KIF14: variants seen among roughly 807,000 people sequenced by gnomAD.
KIF14 encodes the protein kinesin family member 14.
KIF14 carries 98 observed loss-of-function variants against 176.2 expected under a neutral mutation model. The ratio of observed to expected loss-of-function variants is 0.56; its 90% CI spans 0.47 to 0.66. KIF14 has a LOEUF of 0.66. KIF14 is among the 30% of genes least tolerant of loss of function. KIF14 has a pLI of 0.00. For synonymous variants in KIF14, 566 were observed against 632.2 expected (o/e 0.90, Z 1.57); for missense variants, 1,751 against 1,920.4 (o/e 0.91, Z 1.65).
intron 2 of KIF14, among the ~76,000 whole-genome samples, chr1:200,616,678 G>GA (rs1660420302): frequency 6.6e-6 from 1 of 152,152 alleles, no homozygotes; most frequent in Admixed American, 6.5e-5. Flanking sequence ...CTAACTCTGT[G>GA]AAGTTTTTCA....
At chr1:200,611,922 A>G (rs1660174551) in intron 4 of KIF14, among the ~76,000 whole-genome samples, 1 of 152,162 alleles carries the variant, frequency 6.6e-6, no homozygotes, top group African/African-American at 2.4e-5. Flanking sequence ...CATTAAGTAA[A>G]TTGTTCAAGA....
chr1:200,557,463 G>A (rs1169870913), intron 27 of KIF14, among the ~76,000 whole-genome samples: 2 of 152,154 alleles, frequency 1.3e-5, no homozygotes, highest in Admixed American at 1.3e-4. Context: ...ATGATCCTCA[G>A]AACAATTTTA....
At chr1:200,604,189 C>T (rs772180203) in intron 8 of KIF14, among the ~76,000 whole-genome samples, 1 of 152,018 alleles carries the variant, frequency 6.6e-6, no homozygotes, top group African/African-American at 2.4e-5. Context: ...ACCTCAGGCT[C>T]CCAAGTAGCT....
chr1:200,615,908 A>G (rs1660385096), intron 2 of KIF14, among the ~76,000 whole-genome samples: 2 of 151,272 alleles, frequency 1.3e-5, no homozygotes, highest in Admixed American at 6.6e-5. Context: ...TTCCCATCCC[A>G]CCTACTATAA....
intron 8 of KIF14, among the ~76,000 whole-genome samples, chr1:200,604,532 A>T (rs763326556): frequency 6.6e-6 from 1 of 152,200 alleles, no homozygotes; most frequent in African/African-American, 2.4e-5. Flanking sequence ...GGAAATAACA[A>T]TAAATAAAGA....
At chr1:200,592,324 AAT>A in intron 15 of KIF14, 84 bp from the exon 16 acceptor site, 1 of 1,058,056 alleles carries the variant, frequency 9.5e-7, no homozygotes, top group African/African-American at 1.6e-5. Context: ...CCAACAATTC[AAT>A]ATAGTCTAGT....
chr1:200,594,368 C>CAAAAAAAAAAAAAAAAA (rs371729211), intron 14 of KIF14, among the ~76,000 whole-genome samples: 1 of 92,516 alleles, frequency 1.1e-5, no homozygotes, highest in Non-Finnish European at 2.0e-5. Context: ...CCCAAAAATT[C>CAAAAAAAAAAAAAAAAA]AAAAAAAAAA....
Position 200,593,728 on chromosome 1 carries a change from A to G in KIF14, c.2591T>C (p.Val864Ala), listed in dbSNP as rs1362136218. The change falls in exon 15 of 30, where the codon GTT becomes GCT. Residue 864 changes from valine to alanine, a missense_variant. Physicochemically the swap from Val to Ala is moderately conservative, Grantham distance 64 (BLOSUM62 0). Coordinates refer to ENST00000367350, the MANE Select transcript of KIF14 (RefSeq NM_014875.3). The stretch of plus-strand genomic sequence containing the variant: ...ATTTACATATGTCTTTGCTTCCCCA[A>G]CTGGGATAATACTCACTGTCCCACC... Reference protein sequence around the residue: ...NFGGTVSIIPVGEAKTYVNGK... With the variant: ...NFGGTVSIIPAGEAKTYVNGK... The G allele has an allele frequency of 6.2e-7, 1 of 1,612,756 alleles. No homozygotes were observed. The highest frequency in any genetic ancestry group is 1.3e-5 in the African/African-American group (1 of 74,960).
chr1:200,581,706 A>G lies in KIF14; in HGVS notation c.3242-412T>C, dbSNP rs575088071. On this transcript the variant is annotated intron_variant, in intron 19 of 29. Transcript: ENST00000367350. Reference sequence around the variant, plus strand: ...AAAATTTTAAAAAATGTATATATATATGTCAGGACATTAAAATAAAAAAGG... The same window carrying G: ...AAAATTTTAAAAAATGTATATATATGTGTCAGGACATTAAAATAAAAAAGG... Among the ~76,000 whole-genome samples, 49 of 150,406 alleles carry G rather than the reference A, an allele frequency of 3.3e-4. No homozygotes were observed. In the South Asian group the frequency reaches 4.0e-3, roughly 12 times the overall value.
chr1:200,611,805 C>T (rs1039611085), intron 4 of KIF14, among the ~76,000 whole-genome samples: 23 of 152,204 alleles, frequency 1.5e-4, no homozygotes, highest in Non-Finnish European at 8.8e-5. Context: ...GTGCCAGGCA[C>T]TCTTCAAAAC....
At chr1:200,561,846 G>C (rs537633277) in intron 25 of KIF14, among the ~76,000 whole-genome samples, 80 of 152,240 alleles carry the variant, frequency 5.3e-4, no homozygotes, top group African/African-American at 1.7e-3. Context: ...AACTTTTCCT[G>C]TTCTGATAAC....
chr1:200,570,008 GA>G lies in KIF14; in HGVS notation c.3567-4del. On this transcript the variant is annotated splice_polypyrimidine_tract_variant and splice_region_variant and intron_variant, in intron 22 of 29. Coordinates refer to ENST00000367350, the MANE Select transcript of KIF14 (RefSeq NM_014875.3). ...TGTTCTTCATCAAACTCCTACTCCT[GA>G]AAAAAGACAAACCATAAGATTAGCA... 2.6e-6 allele frequency: 4 copies of G among 1,528,884 alleles called. No individual in the cohort carries two copies. The highest frequency in any genetic ancestry group is 3.6e-6 in the Non-Finnish European group (4 of 1,112,536). 94.7% of individuals were successfully genotyped at this position (1,528,884 alleles called of 1,614,324 possible). A position where few individuals can be genotyped will look rare whatever the true frequency, so the allele number is the denominator to read the frequency against.
chr1:200,593,993 C>A (rs1373622246), intron 14 of KIF14, among the ~76,000 whole-genome samples: 1 of 120,134 alleles, frequency 8.3e-6, no homozygotes, highest in African/African-American at 3.3e-5. Context: ...TGTAGTGATA[C>A]AATCTCAGCT....
intron 22 of KIF14, among the ~76,000 whole-genome samples, chr1:200,575,015 G>A (rs151044579): frequency 4.1e-5 from 6 of 146,794 alleles, no homozygotes; most frequent in Admixed American, 3.5e-4. Context: ...GGAGTGCAGT[G>A]GAGCGATCTC....
Position 200,592,077 on chromosome 1 carries a change from T to C in KIF14, c.2813+3A>G. 1 of 1,610,574 alleles carries C rather than the reference T, an allele frequency of 6.2e-7. No homozygotes were observed. Among genetic ancestry groups the C allele is most frequent in the East Asian group, 2.2e-5 (1 of 44,812 alleles). ...TACTATTTCATATCAACAGCATACT[T>C]ACTGTGATCTCTGTGCCATGAGCAA... On this transcript the variant is annotated splice_donor_region_variant and intron_variant, in intron 16 of 29. Coordinates refer to ENST00000367350, the MANE Select transcript of KIF14 (RefSeq NM_014875.3).
rs1279599880 is a variant in KIF14, at chr1:200,600,339, TA to T, written c.2300+16del. ...AGAGCAACACACTTAACATTTAGAGTACTGACTGTACTCTACCTTTGCATTT... is the reference window on the plus strand; with the variant it reads ...AGAGCAACACACTTAACATTTAGAGTCTGACTGTACTCTACCTTTGCATTT... On this transcript the variant is annotated intron_variant, in intron 12 of 29. Coordinates refer to ENST00000367350, the MANE Select transcript of KIF14 (RefSeq NM_014875.3). The T allele has an allele frequency of 6.2e-7, 1 of 1,610,282 alleles. No homozygotes were observed. The highest frequency in any genetic ancestry group is 8.5e-7 in the Non-Finnish European group (1 of 1,176,618).
chr1:200,575,735 A>G, intron 21 of KIF14, 44 bp from the exon 22 acceptor site: 1 of 1,166,090 alleles, frequency 8.6e-7, no homozygotes, highest in Non-Finnish European at 1.2e-6. Flanking sequence ...TTGGGGTGAA[A>G]AAATGTTTAG....
chr1:200,587,677 G>T (rs139817889), intron 18 of KIF14, among the ~76,000 whole-genome samples: 3 of 152,156 alleles, frequency 2.0e-5, no homozygotes, highest in Admixed American at 6.5e-5. Flanking sequence ...TTAGCCGGGC[G>T]TAGTGGCAGA....
chr1:200,555,344 TA>T, intron 28 of KIF14, 35 bp downstream of exon 28: 1 of 1,312,834 alleles, frequency 7.6e-7, no homozygotes, highest in Non-Finnish European at 1.1e-6. Context: ...TGATAAAAAA[TA>T]AGCAAAATTA....
Sources: allele counts gnomAD v4.1 joint callset (sites outside exome capture counted in the v4.1 genomes callset), GRCh38; gene constraint gnomAD v4.1.1; transcripts MANE v1.5; gene names NCBI Gene and HGNC (gene_info 2026-07-23, HGNC 2026-07-21).